OR2T6: variants seen among roughly 807,000 people sequenced by gnomAD.
OR2T6 encodes the protein olfactory receptor family 2 subfamily T member 6.
For missense variants in OR2T6, 424 were observed against 391.6 expected (o/e 1.08, Z -0.70); for synonymous variants, 174 against 148.0 (o/e 1.18, Z -1.27).
intron 1 of OR2T6, among the ~76,000 whole-genome samples, chr1:248,377,835 C>T (rs1660962801): frequency 6.6e-6 from 1 of 152,146 alleles, no homozygotes; most frequent in South Asian, 2.1e-4. Flanking sequence ...CATTTTTTTC[C>T]TATCCCAACC....
At position 248,390,347 on chromosome 1, in the gene OR2T6, T is replaced by C. The variant is rs1389132145; in HGVS notation, c.*1812T>C. ...CATCCCAAACCCCTCAGGCCACCTC[T>C]ACAAGCTGCTGTGCCAGGCTTTGTA... is the stretch of plus-strand genomic sequence containing the variant. On this transcript the variant is annotated 3_prime_UTR_variant, in exon 3 of 3. Transcript: ENST00000641644. The C allele has an allele frequency of 1.3e-5, 2 of 152,214 alleles. No individual in the cohort carries two copies. The highest frequency in any genetic ancestry group is 2.9e-5 in the Non-Finnish European group (2 of 68,056). 9.4% of individuals were successfully genotyped at this position (152,214 alleles called of 1,614,324 possible).
chr1:248,388,334 T>G lies in OR2T6; in HGVS notation c.726T>G (p.Ser242=). Residue 242 remains serine (S), a synonymous_variant, in exon 3 of 3, where the codon TCT becomes TCG. Transcript: ENST00000641644. ...EGRKKAFATC[S]SHMMVVTLFY... ...GGAAGAAGGCCTTTGCCACCTGCTCTTCACACATGATGGTGGTGACATTGT... is the reference window on the plus strand; with the variant it reads ...GGAAGAAGGCCTTTGCCACCTGCTCGTCACACATGATGGTGGTGACATTGT... The G allele has an allele frequency of 6.2e-7, 1 of 1,613,670 alleles. No individual in the cohort carries two copies. Among genetic ancestry groups the G allele is most frequent in the Non-Finnish European group, 8.5e-7 (1 of 1,179,708 alleles).
In OR2T6 at chr1:248,387,758, C is replaced by T; in HGVS notation, c.150C>T (p.Asn50=). ...IANGVMIFLI[N]IDPHLHTPMY... ...ATGGGGTCATGATCTTCCTGATTAA[C>T]ATAGACCCTCATCTCCACACCCCCA... Residue 50 remains asparagine (N), a synonymous_variant, in exon 3 of 3, where the codon AAC becomes AAT. Coordinates refer to ENST00000641644, the MANE Select transcript of OR2T6 (RefSeq NM_001005471.2). The T allele has an allele frequency of 6.2e-7, 1 of 1,613,828 alleles. No homozygotes were observed. Among genetic ancestry groups the T allele is most frequent in the East Asian group, 2.2e-5 (1 of 44,822 alleles).
intron 1 of OR2T6, among the ~76,000 whole-genome samples, chr1:248,382,959 C>T (rs1457256393): frequency 6.6e-6 from 1 of 152,218 alleles, no homozygotes; most frequent in Non-Finnish European, 1.5e-5. Flanking sequence ...AACGTCTCAT[C>T]CTGGAACTGT....
In OR2T6 at chr1:248,388,363, A is replaced by G; in HGVS notation, c.755A>G (p.Tyr252Cys). 8 of 1,613,462 alleles carry G rather than the reference A, an allele frequency of 5.0e-6. No individual in the cohort carries two copies. Among genetic ancestry groups the G allele is most frequent in the East Asian group, 2.2e-5 (1 of 44,842 alleles). Residue 252 changes from tyrosine to cysteine, a missense_variant, in exon 3 of 3, where the codon TAT becomes TGT. Physicochemically the swap from Tyr to Cys is radical, Grantham distance 194 (BLOSUM62 -2). Coordinates refer to ENST00000641644, the MANE Select transcript of OR2T6 (RefSeq NM_001005471.2). ...SSHMMVVTLF[Y>C]GAALYTYTLP... is the part of the protein sequence containing the mutation. ...CACATGATGGTGGTGACATTGTTCTATGGGGCTGCCTTGTATACGTATACG... is the reference window on the plus strand; with the variant it reads ...CACATGATGGTGGTGACATTGTTCTGTGGGGCTGCCTTGTATACGTATACG...
In OR2T6 at chr1:248,388,445, C is replaced by A. The variant is rs1477367312; in HGVS notation, c.837C>A (p.Thr279=). ...ATAAGGTCTTCTCTGCCTTTTATAC[C>A]ATCCTCACACCCTTATTAAACCCTC... is the stretch of plus-strand genomic sequence containing the variant. ...IKDKVFSAFY[T]ILTPLLNPLI... The change falls in exon 3 of 3, where the codon ACC becomes ACA. Residue 279 remains threonine (T), a synonymous_variant. Transcript: ENST00000641644. 3 of 1,613,118 alleles carry A rather than the reference C, an allele frequency of 1.9e-6. No homozygotes were observed. The highest frequency in any genetic ancestry group is 1.7e-5 in the Admixed American group (1 of 59,980).
chr1:248,380,102 T>C (rs1054597237), intron 1 of OR2T6, among the ~76,000 whole-genome samples: 10 of 151,988 alleles, frequency 6.6e-5, no homozygotes, highest in Admixed American at 6.6e-4. Context: ...GTATTATATC[T>C]ACTTATAATT....
intron 1 of OR2T6, among the ~76,000 whole-genome samples, chr1:248,377,439 G>T (rs911275875): frequency 4.6e-5 from 7 of 152,170 alleles, no homozygotes; most frequent in African/African-American, 1.7e-4. Flanking sequence ...GTTGATATAA[G>T]GACTATTTAG....
chr1:248,385,748 C>T (rs1661127089), intron 2 of OR2T6, among the ~76,000 whole-genome samples: 1 of 152,150 alleles, frequency 6.6e-6, no homozygotes, highest in African/African-American at 2.4e-5. Flanking sequence ...TTGTTTGTGC[C>T]TGTGGTATAC....
At chr1:248,378,195 A>G (rs1660969917) in intron 1 of OR2T6, among the ~76,000 whole-genome samples, 2 of 152,202 alleles carry the variant, frequency 1.3e-5, no homozygotes, top group Admixed American at 6.5e-5. Flanking sequence ...TAAATGCCAG[A>G]CGCTTACAGA....
At position 248,387,858 on chromosome 1, in the gene OR2T6, G is replaced by C; in HGVS notation, c.250G>C (p.Asp84His). Residue 84 changes from aspartate (D) to histidine (H), a missense_variant, in exon 3 of 3, where the codon GAT becomes CAT. Physicochemically the swap from Asp to His is moderately conservative, Grantham distance 81. Coordinates refer to ENST00000641644, the MANE Select transcript of OR2T6 (RefSeq NM_001005471.2). ...ISTIVPKMLV[D>H]YLMGEGTISF... ...CACCATTGTGCCCAAGATGCTGGTAGATTATCTCATGGGCGAGGGGACCAT... is the reference window on the plus strand; with the variant it reads ...CACCATTGTGCCCAAGATGCTGGTACATTATCTCATGGGCGAGGGGACCAT... 1 of 1,598,834 alleles carries C rather than the reference G, an allele frequency of 6.3e-7. No individual in the cohort carries two copies. The highest frequency in any genetic ancestry group is 8.6e-7 in the Non-Finnish European group (1 of 1,169,196).
chr1:248,375,831 T>C lies in OR2T6; in HGVS notation c.-382T>C, dbSNP rs1660929699. 1.3e-5 allele frequency: 2 copies of C among 151,150 alleles called. No individual in the cohort carries two copies. The highest frequency in any genetic ancestry group is 2.5e-5 in the African/African-American group (1 of 40,686). 9.4% of individuals were successfully genotyped at this position (151,150 alleles called of 1,614,324 possible). A position where few individuals can be genotyped will look rare whatever the true frequency, so the allele number is the denominator to read the frequency against. ...CTTCAGTTAAGTGGTCATCTTCAAA[T>C]ACCTCTAACTGGCACTCTCTTTTTT... is the stretch of plus-strand genomic sequence containing the variant. On this transcript the variant is annotated 5_prime_UTR_variant, in exon 1 of 3. Transcript: ENST00000641644.
Position 248,387,983 on chromosome 1 carries a change from C to T in OR2T6, c.375C>T (p.Ala125=), listed in dbSNP as rs1263197022. Residue 125 remains alanine, a synonymous_variant, in exon 3 of 3, where the codon GCC becomes GCT. Coordinates refer to ENST00000641644, the MANE Select transcript of OR2T6 (RefSeq NM_001005471.2). The part of the protein sequence containing the change: ...LGLMAYDRYV[A]ICNPLRYPVL... ...TCATGGCCTATGACCGCTACGTGGC[C>T]ATCTGCAACCCACTGCGCTATCCTG... The T allele has an allele frequency of 2.5e-6, 4 of 1,610,196 alleles. No individual in the cohort carries two copies. The highest frequency in any genetic ancestry group is 3.4e-6 in the Non-Finnish European group (4 of 1,178,082).
chr1:248,387,311 C>T (rs2103071958), intron 2 of OR2T6, among the ~76,000 whole-genome samples: 1 of 152,212 alleles, frequency 6.6e-6, no homozygotes, highest in Admixed American at 6.5e-5. Flanking sequence ...ATGAAGGATC[C>T]TCTCTAGGGC....
intron 1 of OR2T6, among the ~76,000 whole-genome samples, chr1:248,382,141 GCT>G (rs1661045344): frequency 9.6e-6 from 1 of 104,334 alleles, no homozygotes. Context: ...TGGCTCCAGA[GCT>G]CTCTCTTTTT....
At position 248,387,881 on chromosome 1, in the gene OR2T6, C is replaced by A; in HGVS notation, c.273C>A (p.Thr91=). The A allele has an allele frequency of 6.3e-7, 1 of 1,595,534 alleles. No homozygotes were observed. Among genetic ancestry groups the A allele is most frequent in the East Asian group, 2.2e-5 (1 of 44,508 alleles). Residue 91 remains threonine, a synonymous_variant, in exon 3 of 3, where the codon ACC becomes ACA. Coordinates refer to ENST00000641644, the MANE Select transcript of OR2T6 (RefSeq NM_001005471.2). ...TAGATTATCTCATGGGCGAGGGGACCATCTCTTTCATCGCCTGCACTGCTC... is the reference window on the plus strand; with the variant it reads ...TAGATTATCTCATGGGCGAGGGGACAATCTCTTTCATCGCCTGCACTGCTC... ...MLVDYLMGEG[T]ISFIACTAQC...
At chr1:248,382,584 G>GTTCAA (rs1661054790) in intron 1 of OR2T6, among the ~76,000 whole-genome samples, 1 of 143,552 alleles carries the variant, frequency 7.0e-6, no homozygotes, top group Non-Finnish European at 1.5e-5. Flanking sequence ...CCAGGCTGGA[G>GTTCAA]TTCAATGGTG....
In OR2T6 at chr1:248,390,279, T is replaced by C. The variant is rs1661226894; in HGVS notation, c.*1744T>C. 6.6e-6 allele frequency: 1 copy of C among 152,160 alleles called. No homozygotes were observed. Among genetic ancestry groups the C allele is most frequent in the Admixed American group, 6.5e-5 (1 of 15,272 alleles). 9.4% of individuals were successfully genotyped at this position (152,160 alleles called of 1,614,324 possible). ...AAGTGGCTAAGAACTGGAGAAAAAA[T>C]GTTTGGCCTAAACTGTAGACACAGT... On this transcript the variant is annotated 3_prime_UTR_variant, in exon 3 of 3. Coordinates refer to ENST00000641644, the MANE Select transcript of OR2T6 (RefSeq NM_001005471.2).
In OR2T6 at chr1:248,389,997, A is replaced by C. The variant is rs1661220999; in HGVS notation, c.*1462A>C. 2 of 152,194 alleles carry C rather than the reference A, an allele frequency of 1.3e-5. No homozygotes were observed. The highest frequency in any genetic ancestry group is 1.3e-4 in the Admixed American group (2 of 15,278). 9.4% of individuals were successfully genotyped at this position (152,194 alleles called of 1,614,324 possible). A position where few individuals can be genotyped will look rare whatever the true frequency, so the allele number is the denominator to read the frequency against. On this transcript the variant is annotated 3_prime_UTR_variant, in exon 3 of 3. Coordinates refer to ENST00000641644, the MANE Select transcript of OR2T6 (RefSeq NM_001005471.2). ...CAGTGACTGCAAGATGGCATCAGTT[A>C]ACATGGCTATTTCGAGCTGCTGAAG... is the stretch of plus-strand genomic sequence containing the variant.
Sources: gnomAD v4.1 joint callset for allele counts (sites outside exome capture counted in the v4.1 genomes callset) on GRCh38, gnomAD v4.1.1 for gene constraint, MANE v1.5 for transcripts, NCBI Gene and HGNC (gene_info 2026-07-23, HGNC 2026-07-21) for gene names.